The following GLCE variants were observed in gnomAD, a reference collection of about 807,000 sequenced individuals.
The protein encoded by GLCE is D-glucuronyl C5-epimerase.
GLCE carries 19 observed loss-of-function variants against 47.9 expected under a neutral mutation model. That is an observed-to-expected ratio of 0.40 (90% CI 0.28 to 0.58). The LOEUF is 0.58. Ranked by LOEUF, GLCE falls within the 20% of genes least tolerant of loss-of-function variation. The pLI, the probability that GLCE is intolerant of heterozygous loss-of-function variation, is 0.48. For synonymous variants in GLCE, 245 were observed against 263.4 expected (o/e 0.93, Z 0.68); for missense variants, 556 against 743.3 (o/e 0.75, Z 2.93).
At chr15:69,169,636 ATGT>A (rs1449880166) in intron 1 of GLCE, among the ~76,000 whole-genome samples, 1 of 148,174 alleles carries the variant, frequency 6.7e-6, no homozygotes, top group Non-Finnish European at 1.5e-5. Flanking sequence ...GAATGATAAC[ATGT>A]GGTGTTTGGT....
At chr15:69,224,273 C>T (rs2052415994) in intron 2 of GLCE, among the ~76,000 whole-genome samples, 1 of 152,098 alleles carries the variant, frequency 6.6e-6, no homozygotes, top group Non-Finnish European at 1.5e-5. Context: ...GGTAAGGAAA[C>T]AGGGATCAGC....
intron 2 of GLCE, among the ~76,000 whole-genome samples, chr15:69,220,619 G>T (rs1296222967): frequency 6.6e-6 from 1 of 152,044 alleles, no homozygotes; most frequent in African/African-American, 2.4e-5. Context: ...GCCCAGTTTT[G>T]AATTCGGTCG....
chr15:69,197,760 T>C (rs1026329901), intron 1 of GLCE, among the ~76,000 whole-genome samples: 1 of 152,068 alleles, frequency 6.6e-6, no homozygotes, highest in Non-Finnish European at 1.5e-5. Flanking sequence ...AGACAGTGAG[T>C]GTAGATAACA....
At chr15:69,209,323 G>T (rs562019494) in intron 1 of GLCE, among the ~76,000 whole-genome samples, 3 of 151,938 alleles carry the variant, frequency 2.0e-5, no homozygotes, top group African/African-American at 7.2e-5. Context: ...TAGTAATTTT[G>T]GATTATGTCC....
At chr15:69,267,357 G>A (rs979868243) in intron 4 of GLCE, among the ~76,000 whole-genome samples, 5 of 152,104 alleles carry the variant, frequency 3.3e-5, no homozygotes, top group Non-Finnish European at 7.4e-5. Flanking sequence ...AAGAAACTGA[G>A]GCTCAAAGAG....
intron 4 of GLCE, among the ~76,000 whole-genome samples, chr15:69,263,293 CT>C (rs1247147567): frequency 6.6e-6 from 1 of 151,996 alleles, no homozygotes; most frequent in African/African-American, 2.4e-5. Context: ...AGAAATGAGG[CT>C]TTTTAGAGGA....
At chr15:69,245,322 G>T in intron 2 of GLCE, among the ~76,000 whole-genome samples, 1 of 110,934 alleles carries the variant, frequency 9.0e-6, no homozygotes, top group Non-Finnish European at 1.7e-5. Context: ...GACAGAGCAA[G>T]ACTCTGTCTC....
At chr15:69,167,822 AG>A (rs1449553956) in intron 1 of GLCE, among the ~76,000 whole-genome samples, 4 of 144,978 alleles carry the variant, frequency 2.8e-5, no homozygotes, top group African/African-American at 1.0e-4. Flanking sequence ...ACTTGGGAAA[AG>A]TTTTTTTTTT....
At chr15:69,187,118 T>C (rs2051835168) in intron 1 of GLCE, among the ~76,000 whole-genome samples, 1 of 152,214 alleles carries the variant, frequency 6.6e-6, no homozygotes, top group South Asian at 2.1e-4. Flanking sequence ...GTTAATAAAC[T>C]GTATTAGCTA....
intron 2 of GLCE, among the ~76,000 whole-genome samples, chr15:69,242,205 G>A (rs2052682004): frequency 6.6e-6 from 1 of 152,006 alleles, no homozygotes; most frequent in Admixed American, 6.6e-5. Flanking sequence ...CATCTGTGTT[G>A]GGCTTCAGTG....
intron 2 of GLCE, among the ~76,000 whole-genome samples, chr15:69,218,671 C>A (rs1259871959): frequency 6.6e-6 from 1 of 152,078 alleles, no homozygotes; most frequent in Non-Finnish European, 1.5e-5. Context: ...TTTTGGAAAA[C>A]CTGTTTTATG....
At chr15:69,245,332 C>CAAAA (rs34544477) in intron 2 of GLCE, among the ~76,000 whole-genome samples, 1 of 79,188 alleles carries the variant, frequency 1.3e-5, no homozygotes, top group Non-Finnish European at 2.5e-5. Flanking sequence ...GACTCTGTCT[C>CAAAA]AAAAAAAAAA....
intron 1 of GLCE, among the ~76,000 whole-genome samples, chr15:69,167,985 C>T (rs990546831): frequency 6.6e-6 from 1 of 151,994 alleles, no homozygotes; most frequent in African/African-American, 2.4e-5. Context: ...AAGTATTATC[C>T]TTTATCTGAG....
At chr15:69,188,966 T>C (rs1363978960) in intron 1 of GLCE, among the ~76,000 whole-genome samples, 1 of 152,176 alleles carries the variant, frequency 6.6e-6, no homozygotes, top group African/African-American at 2.4e-5. Context: ...CCCACCAGCC[T>C]TTCCCACTTC....
rs557924372 is a variant in GLCE, at chr15:69,166,180, G to A, written c.-105+5423G>A. Among the ~76,000 whole-genome samples, 13 of 152,144 alleles carry A rather than the reference G, an allele frequency of 8.5e-5. No individual in the cohort carries two copies. The South Asian group carries it at 2.5e-3, about 29-fold the overall frequency. On this transcript the variant is annotated intron_variant, in intron 1 of 4. Coordinates refer to ENST00000261858, the MANE Select transcript of GLCE (RefSeq NM_015554.3). Reference sequence around the variant, plus strand: ...CTGATGTATGCAGGTTTTTATATAGGCTTTAATAATTGCTTTACATACATT... The same window carrying A: ...CTGATGTATGCAGGTTTTTATATAGACTTTAATAATTGCTTTACATACATT...
At position 69,261,223 on chromosome 15, in the gene GLCE, C is replaced by G; in HGVS notation, c.723C>G (p.Asp241Glu). 1.2e-6 allele frequency: 2 copies of G among 1,614,072 alleles called. No individual in the cohort carries two copies. Among genetic ancestry groups the G allele is most frequent in the African/African-American group, 2.7e-5 (2 of 75,026 alleles). ...PHIEVYETAE[D>E]RDKNKPNDWT... ...TAGAGGTATATGAAACAGCAGAAGA[C>G]AGAGACAAAAACAAGCCTAATGACT... The change falls in exon 4 of 5, where the codon GAC becomes GAG. Residue 241 changes from aspartate (D) to glutamate (E), a missense_variant. Transcript: ENST00000261858.
chr15:69,224,270 A>G (rs2052415887), intron 2 of GLCE, among the ~76,000 whole-genome samples: 1 of 152,132 alleles, frequency 6.6e-6, no homozygotes, highest in Non-Finnish European at 1.5e-5. Flanking sequence ...CTGGGTAAGG[A>G]AACAGGGATC....
At chr15:69,169,566 C>T (rs1355060909) in intron 1 of GLCE, among the ~76,000 whole-genome samples, 4 of 134,752 alleles carry the variant, frequency 3.0e-5, no homozygotes, top group African/African-American at 5.4e-5. Flanking sequence ...ACAACAGGCC[C>T]TTGTGTGTGA....
intron 1 of GLCE, among the ~76,000 whole-genome samples, chr15:69,184,466 A>G (rs2051794656): frequency 2.6e-5 from 4 of 152,230 alleles, no homozygotes; most frequent in South Asian, 2.1e-4. Flanking sequence ...TAAATTACCC[A>G]CTAATAGAAT....
Sources: allele counts gnomAD v4.1 joint callset (sites outside exome capture counted in the v4.1 genomes callset), GRCh38; gene constraint gnomAD v4.1.1; transcripts MANE v1.5; gene names NCBI Gene and HGNC (gene_info 2026-07-23, HGNC 2026-07-21).